NFIA: variants seen among roughly 807,000 people sequenced by gnomAD.
NFIA encodes nuclear factor I A.
In NFIA, 8 loss-of-function variants were observed where a neutral mutation model predicts 62.8. That is an observed-to-expected ratio of 0.13 (90% CI 0.07 to 0.23). The LOEUF (loss-of-function observed/expected upper bound fraction) is 0.23, where lower values mean the gene tolerates loss of function less well. NFIA is among the 10% of genes least tolerant of loss of function. NFIA has a pLI of 1.00. For synonymous variants in NFIA, 235 were observed against 238.1 expected (o/e 0.99, Z 0.12); for missense variants, 410 against 642.1 (o/e 0.64, Z 3.91).
At position 61,082,743 on chromosome 1, in the gene NFIA, TCCAAACCGCACAC is replaced by T. The variant is rs1258077426; in HGVS notation, c.-45_-33del. On this transcript the variant is annotated 5_prime_UTR_variant, in exon 1 of 11. Coordinates refer to ENST00000403491, the MANE Select transcript of NFIA (RefSeq NM_001134673.4). ...TCTCTCACCCACACTCACGCACACC[TCCAAACCGCACAC>T]CCAGACGCACACGCATACCCCAGCG... 6.5e-7 allele frequency: 1 copy of T among 1,541,964 alleles called. No individual in the cohort carries two copies. The highest frequency in any genetic ancestry group is 1.4e-5 in the African/African-American group (1 of 70,842).
At chr1:61,204,737 CTA>C (rs1319486960) in intron 2 of NFIA, among the ~76,000 whole-genome samples, 1 of 152,162 alleles carries the variant, frequency 6.6e-6, no homozygotes, top group Non-Finnish European at 1.5e-5. Flanking sequence ...TTGACCTTCA[CTA>C]TAGAACAAAC....
intron 3 of NFIA, among the ~76,000 whole-genome samples, chr1:61,293,631 G>A (rs1253190400): frequency 3.3e-5 from 5 of 152,144 alleles, no homozygotes; most frequent in Admixed American, 1.3e-4. Flanking sequence ...TCCACCTTTC[G>A]AACCTAGGCC....
intron 3 of NFIA, among the ~76,000 whole-genome samples, chr1:61,311,130 G>A (rs1284966376): frequency 1.3e-5 from 2 of 152,144 alleles, no homozygotes; most frequent in African/African-American, 2.4e-5. Flanking sequence ...AGTGGCTCAC[G>A]CCTATAATCC....
intron 2 of NFIA, among the ~76,000 whole-genome samples, chr1:61,243,526 C>G (rs1157279482): frequency 6.6e-6 from 1 of 152,086 alleles, no homozygotes; most frequent in African/African-American, 2.4e-5. Context: ...ATGTGTAATA[C>G]TGATTATTAC....
chr1:61,338,479 A>T lies in NFIA; in HGVS notation c.700+5893A>T, dbSNP rs58641518. ...GAATTGTCATTAACATCCAAATTGC[A>T]GTTCATTTCTAAAGTTCTTTTTGAA... is the stretch of plus-strand genomic sequence containing the variant. On this transcript the variant is annotated intron_variant, in intron 4 of 10. Coordinates refer to ENST00000403491, the MANE Select transcript of NFIA (RefSeq NM_001134673.4). Among the ~76,000 whole-genome samples, 1,477 of 152,326 alleles carry T rather than the reference A, an allele frequency of 9.7e-3. 32 individuals are homozygous for T. The highest frequency in any genetic ancestry group is 0.034 in the African/African-American group (1,410 of 41,566).
intron 2 of NFIA, among the ~76,000 whole-genome samples, chr1:61,168,315 G>C (rs1475214754): frequency 2.0e-5 from 3 of 152,146 alleles, no homozygotes; most frequent in Non-Finnish European, 4.4e-5. Context: ...ACTGATTTCA[G>C]TGACACCTAC....
chr1:61,334,516 T>A (rs1661477532), intron 4 of NFIA, among the ~76,000 whole-genome samples: 2 of 138,346 alleles, frequency 1.4e-5, no homozygotes, highest in Non-Finnish European at 1.5e-5. Flanking sequence ...ATATGGGGAG[T>A]ATTTGTGTGT....
intron 7 of NFIA, among the ~76,000 whole-genome samples, chr1:61,397,759 A>C (rs554353741): frequency 6.6e-6 from 1 of 152,228 alleles, no homozygotes; most frequent in Non-Finnish European, 1.5e-5. Context: ...ACTCATGTCT[A>C]TCTGACTCCA....
At chr1:61,189,538 AG>A (rs202057677) in intron 2 of NFIA, among the ~76,000 whole-genome samples, 1,597 of 152,174 alleles carry the variant, frequency 0.01, 12 homozygotes, top group Middle Eastern at 0.017. Flanking sequence ...GGTGGCGCGC[AG>A]CTGTAGTCCC....
rs1242901608 is a variant in NFIA at position 61,082,671 on chromosome 1, C to CT, written c.-119dup. On this transcript the variant is annotated 5_prime_UTR_variant, in exon 1 of 11. Coordinates refer to ENST00000403491, the MANE Select transcript of NFIA (RefSeq NM_001134673.4). ...CAGGCTTGATTTTTTTTTCTCCCCC[C>CT]TTCTCTCTCTCTCTCTCTCTCTCTC... 1 of 1,515,736 alleles carries CT rather than the reference C, an allele frequency of 6.6e-7. No individual in the cohort carries two copies. Among genetic ancestry groups the CT allele is most frequent in the Non-Finnish European group, 8.8e-7 (1 of 1,130,074 alleles). The allele number at this position is 1,515,736 out of a possible 1,614,324, so 93.9% of individuals were successfully genotyped here.
intron 2 of NFIA, among the ~76,000 whole-genome samples, chr1:61,192,376 T>A (rs190165228): frequency 2.6e-4 from 40 of 152,276 alleles, no homozygotes; most frequent in Non-Finnish European, 1.3e-4. Context: ...TAGGCCACCA[T>A]GTGGAACTGA....
At chr1:61,360,417 C>T (rs1199602413) in intron 6 of NFIA, among the ~76,000 whole-genome samples, 2 of 152,224 alleles carry the variant, frequency 1.3e-5, no homozygotes, top group Non-Finnish European at 2.9e-5. Flanking sequence ...TACCTAGCCT[C>T]TCTGAGCCTG....
chr1:61,142,801 C>G (rs334729), intron 2 of NFIA, among the ~76,000 whole-genome samples: 140,055 of 152,252 alleles, frequency 0.92, 64,606 homozygotes, highest in Middle Eastern at 0.97. Context: ...GACACAGACA[C>G]AGGCTCTTAG....
At position 61,459,042 on chromosome 1, in the gene NFIA, AAAG is replaced by A. The variant is rs1172331217; in HGVS notation, c.*3725_*3727del. On this transcript the variant is annotated 3_prime_UTR_variant, in exon 11 of 11. Coordinates refer to ENST00000403491, the MANE Select transcript of NFIA (RefSeq NM_001134673.4). ...TATTCAGTTGTGATCAAGCAGGAAAAAAGAAACACCAACAGTTGCCAGTGTTTT... is the reference window on the plus strand; with the variant it reads ...TATTCAGTTGTGATCAAGCAGGAAAAAAACACCAACAGTTGCCAGTGTTTT... The A allele has an allele frequency of 5.9e-5, 9 of 152,220 alleles. No homozygotes were observed. The highest frequency in any genetic ancestry group is 2.6e-4 in the Admixed American group (4 of 15,280). 9.4% of individuals were successfully genotyped at this position (152,220 alleles called of 1,614,324 possible). A position where few individuals can be genotyped will look rare whatever the true frequency, so the allele number is the denominator to read the frequency against.
rs917481949 is a variant in NFIA, at chr1:61,327,720, A to G, written c.626-4792A>G. On this transcript the variant is annotated intron_variant, in intron 3 of 10. Transcript: ENST00000403491. ...TGCAAATGTGATTTGTGTGGCAGTA[A>G]ACATACACATACAGTTGTCTTTTTG... is the stretch of plus-strand genomic sequence containing the variant. Among the ~76,000 whole-genome samples the G allele has an allele frequency of 8.5e-5, 13 of 152,220 alleles. No homozygotes were observed. In the East Asian group the frequency reaches 2.1e-3, roughly 25 times the overall value.
intron 2 of NFIA, among the ~76,000 whole-genome samples, chr1:61,154,093 T>G (rs902437456): frequency 3.3e-5 from 5 of 152,256 alleles, no homozygotes; most frequent in African/African-American, 7.2e-5. Flanking sequence ...TAACTCAGAC[T>G]GTTGGTGAAT....
At chr1:61,413,542 A>G (rs1423899885) in intron 9 of NFIA, among the ~76,000 whole-genome samples, 1 of 151,440 alleles carries the variant, frequency 6.6e-6, no homozygotes, top group African/African-American at 2.4e-5. Flanking sequence ...AAACAATGTC[A>G]CTAGATTTCT....
At chr1:61,153,381 AGCCGTTGAT>A (rs112549987) in intron 2 of NFIA, among the ~76,000 whole-genome samples, 3,116 of 152,334 alleles carry the variant, frequency 0.02, 65 homozygotes, top group East Asian at 0.092. Flanking sequence ...GATTCAGGTT[AGCCGTTGAT>A]GCCTTTGACT....
chr1:61,082,382 CGGCGGCGGCGCGAGCG>C (rs1375927805), upstream of NFIA: 2 of 694,310 alleles, frequency 2.9e-6, no homozygotes, highest in East Asian at 1.4e-4. Context: ...CTCCCCCCCG[CGGCGGCGGCGCGAGCG>C]GGCGGCGGCT....
Sources: allele counts gnomAD v4.1 joint callset (sites outside exome capture counted in the v4.1 genomes callset), GRCh38; gene constraint gnomAD v4.1.1; transcripts MANE v1.5; gene names NCBI Gene and HGNC (gene_info 2026-07-23, HGNC 2026-07-21).